The following FRAS1 variants were observed in gnomAD, a reference collection of about 807,000 sequenced individuals.
The protein encoded by FRAS1 is Fraser extracellular matrix complex subunit 1, also known as extracellular matrix organizing protein FRAS1.
FRAS1 carries 290 observed loss-of-function variants against 435.2 expected under a neutral mutation model. The ratio of observed to expected loss-of-function variants is 0.67; its 90% CI spans 0.61 to 0.73. The LOEUF is 0.73. Among genes scored for constraint, FRAS1 ranks in the 30% least tolerant of loss-of-function variants. The pLI, the probability that FRAS1 is intolerant of heterozygous loss-of-function variation, is 0.00. For missense variants in FRAS1, 4,860 were observed against 5,001.5 expected, an observed-to-expected ratio of 0.97 and a Z score of 0.85; for synonymous variants, 1,800 against 1,851.0, an observed-to-expected ratio of 0.97 and a Z score of 0.71.
At chr4:78,369,745 C>T (rs961815073) in intron 22 of FRAS1, 93 bp from the exon 23 acceptor site, 4 of 1,188,760 alleles carry the variant, frequency 3.4e-6, no homozygotes, top group African/African-American at 1.5e-5. Context: ...TGGAACAAGG[C>T]TTTGTTCCTA....
rs1309876318 is a variant in FRAS1 at position 78,400,797 on chromosome 4, C to G, written c.4039C>G (p.Gln1347Glu). The change falls in exon 30 of 74, where the codon CAG becomes GAG. Residue 1347 changes from glutamine (Q) to glutamate (E), a missense_variant. Transcript: ENST00000512123. ...MVWVPEGGML[Q>E]ITNRILQAEA... is the part of the protein sequence containing the mutation. ...GTGGGTTCCAGAAGGGGGGATGCTGCAGATCACCAACAGAATCTTACAGGC... is the reference window on the plus strand; with the variant it reads ...GTGGGTTCCAGAAGGGGGGATGCTGGAGATCACCAACAGAATCTTACAGGC... 2.5e-6 allele frequency: 4 copies of G among 1,613,584 alleles called. No individual in the cohort carries two copies. The South Asian group carries it at 4.4e-5, about 18-fold the overall frequency.
intron 2 of FRAS1, among the ~76,000 whole-genome samples, chr4:78,171,620 A>C (rs1207222523): frequency 6.6e-6 from 1 of 150,740 alleles, no homozygotes; most frequent in Non-Finnish European, 1.5e-5. Context: ...TTCTCTTACC[A>C]CTCTTTCCAT....
chr4:78,103,094 G>T (rs1032129309), intron 2 of FRAS1, among the ~76,000 whole-genome samples: 7 of 152,156 alleles, frequency 4.6e-5, no homozygotes, highest in African/African-American at 1.7e-4. Context: ...TTGGCCTCTG[G>T]AAGTGGTTTC....
At position 78,200,763 on chromosome 4, in the gene FRAS1, G is replaced by A. The variant is rs541350119; in HGVS notation, c.109-36747G>A. Among the ~76,000 whole-genome samples the A allele has an allele frequency of 3.3e-4, 49 of 150,424 alleles. No individual in the cohort carries two copies. In the South Asian group the frequency reaches 7.9e-3, roughly 24 times the overall value. ...TTATAATTATTCAGTATATTTACCTGCATAGTTATATTTTCATCACTCAAA... is the reference window on the plus strand; with the variant it reads ...TTATAATTATTCAGTATATTTACCTACATAGTTATATTTTCATCACTCAAA... On this transcript the variant is annotated intron_variant, in intron 2 of 73. Transcript: ENST00000512123.
At chr4:78,184,261 T>G (rs972651952) in intron 2 of FRAS1, among the ~76,000 whole-genome samples, 1 of 152,202 alleles carries the variant, frequency 6.6e-6, no homozygotes, top group South Asian at 2.1e-4. Context: ...CATACATGAC[T>G]GTAGGGGTTG....
At chr4:78,199,934 A>G (rs1190783727) in intron 2 of FRAS1, among the ~76,000 whole-genome samples, 1 of 152,252 alleles carries the variant, frequency 6.6e-6, no homozygotes, top group Non-Finnish European at 1.5e-5. Context: ...TAGTGGGGAA[A>G]TAGCTCTAAT....
rs1030993750 is a variant in FRAS1, at chr4:78,473,691, T to C, written c.7682+94T>C. On this transcript the variant is annotated intron_variant, in intron 53 of 73. Transcript: ENST00000512123. ...ATGCTGGGGGGCAGCTCTAGTCACC[T>C]CTTGATGGCGGTGATGGTGATGATG... The C allele has an allele frequency of 3.5e-6, 3 of 855,014 alleles. No homozygotes were observed. The African/African-American group carries it at 5.1e-5, about 14-fold the overall frequency. The allele number at this position is 855,014 out of a possible 1,614,324, so 53.0% of individuals were successfully genotyped here. A position where few individuals can be genotyped will look rare whatever the true frequency, so the allele number is the denominator to read the frequency against.
intron 2 of FRAS1, among the ~76,000 whole-genome samples, chr4:78,101,147 A>G (rs1483376289): frequency 6.6e-6 from 1 of 152,072 alleles, no homozygotes; most frequent in Non-Finnish European, 1.5e-5. Flanking sequence ...GCATAAGACT[A>G]ATTTATAAGG....
intron 3 of FRAS1, among the ~76,000 whole-genome samples, chr4:78,244,193 CT>C (rs1172937850): frequency 6.6e-6 from 1 of 152,022 alleles, no homozygotes; most frequent in African/African-American, 2.4e-5. Flanking sequence ...TTAGAATTCT[CT>C]TGTAGGTACA....
intron 54 of FRAS1, among the ~76,000 whole-genome samples, chr4:78,476,724 T>C (rs73831343): frequency 2.2e-3 from 336 of 152,308 alleles, no homozygotes; most frequent in African/African-American, 7.7e-3. Context: ...TAAAGATCTG[T>C]TGAGTGTTTC....
Position 78,282,591 on chromosome 4 carries a change from G to A in FRAS1, c.1108-229G>A, listed in dbSNP as rs151029428. On this transcript the variant is annotated intron_variant, in intron 11 of 73. Transcript: ENST00000512123. ...TCTCTGAGTGTGCCTAAAATCTTTCGGCTGGTTCTCTACATTGAAGTAAAA... is the reference window on the plus strand; with the variant it reads ...TCTCTGAGTGTGCCTAAAATCTTTCAGCTGGTTCTCTACATTGAAGTAAAA... Among the ~76,000 whole-genome samples the A allele has an allele frequency of 3.8e-5, 5 of 130,670 alleles. 1 individual carries two copies. The East Asian group carries it at 9.3e-4, about 24-fold the overall frequency. The allele number at this position is 130,670 out of a possible 152,430, so 85.7% of individuals were successfully genotyped here. A position where few individuals can be genotyped will look rare whatever the true frequency, so the allele number is the denominator to read the frequency against.
intron 35 of FRAS1, among the ~76,000 whole-genome samples, chr4:78,425,276 G>A (rs138624437): frequency 1.2e-3 from 176 of 152,188 alleles, no homozygotes; most frequent in African/African-American, 4.0e-3. Context: ...ACCCAGAGGC[G>A]AGTTGAGAAA....
chr4:78,337,702 T>C lies in FRAS1; in HGVS notation c.2307T>C (p.His769=). 6.2e-7 allele frequency: 1 copy of C among 1,613,898 alleles called. No individual in the cohort carries two copies. Among genetic ancestry groups the C allele is most frequent in the Non-Finnish European group, 8.5e-7 (1 of 1,179,788 alleles). The change falls in exon 20 of 74, where the codon CAT becomes CAC. Residue 769 remains histidine (H), a synonymous_variant. Transcript: ENST00000512123. ...GTCACCCAACCTGCAGGCAGTGTCA[T>C]GGGCCGTTGGAGTCTGACTGCATCT... ...TECHPTCRQC[H]GPLESDCISC... is the part of the protein sequence containing the mutation.
At chr4:78,261,544 T>A (rs1726106099) in intron 6 of FRAS1, among the ~76,000 whole-genome samples, 2 of 152,150 alleles carry the variant, frequency 1.3e-5, no homozygotes, top group Non-Finnish European at 2.9e-5. Flanking sequence ...GTCATGAAGC[T>A]TAGGAAGCAT....
At chr4:78,149,173 C>T (rs748180202) in intron 2 of FRAS1, among the ~76,000 whole-genome samples, 1 of 152,068 alleles carries the variant, frequency 6.6e-6, no homozygotes, top group East Asian at 1.9e-4. Flanking sequence ...TGGGGCTGTA[C>T]CCACAGAGTG....
chr4:78,527,860 G>A (rs961269616), intron 70 of FRAS1, among the ~76,000 whole-genome samples: 7 of 152,100 alleles, frequency 4.6e-5, no homozygotes, highest in Non-Finnish European at 1.0e-4. Flanking sequence ...TAATCCAATC[G>A]AGGGGAAAGT....
intron 15 of FRAS1, among the ~76,000 whole-genome samples, chr4:78,311,402 C>T (rs1173406154): frequency 6.6e-6 from 1 of 152,134 alleles, no homozygotes; most frequent in Non-Finnish European, 1.5e-5. Context: ...TGTTCTCTCT[C>T]CTAGCCCTTC....
Position 78,387,659 on chromosome 4 carries a change from C to G in FRAS1, c.3933C>G (p.His1311Gln), listed in dbSNP as rs1477472175. 2 of 1,594,732 alleles carry G rather than the reference C, an allele frequency of 1.3e-6. No homozygotes were observed. The highest frequency in any genetic ancestry group is 1.3e-5 in the African/African-American group (1 of 74,618). The change falls in exon 29 of 74, where the codon CAC (histidine) becomes CAG (glutamine). Residue 1311 changes from histidine (H) to glutamine (Q), a missense_variant. Coordinates refer to ENST00000512123, the MANE Select transcript of FRAS1 (RefSeq NM_025074.7). ...DVAVLQANDG[H>Q]SFHNILFQVK... ...CAGTCTTGCAGGCCAATGATGGACA[C>G]TCCTTCCATAATATACTGTTCCAAG... is the stretch of plus-strand genomic sequence containing the variant.
In FRAS1 at chr4:78,441,272, TGGCTGCATTGA is replaced by T. The variant is rs1325490089; in HGVS notation, c.5642_5652del (p.Gly1881GlufsTer6). 6.2e-7 allele frequency: 1 copy of T among 1,612,910 alleles called. No individual in the cohort carries two copies. Among genetic ancestry groups the T allele is most frequent in the Non-Finnish European group, 8.5e-7 (1 of 1,179,482 alleles). On this transcript the variant is annotated frameshift_variant, in exon 41 of 74. Coordinates refer to ENST00000512123, the MANE Select transcript of FRAS1 (RefSeq NM_025074.7). LOFTEE classifies it high-confidence loss of function. ...TTAAACTAAGTGCTCTGCCCAAATA[TGGCTGCATTGA>T]GAACACAGGAACAGGTACTACTTCC...
Sources: gnomAD v4.1 joint callset for allele counts (sites outside exome capture counted in the v4.1 genomes callset) on GRCh38, gnomAD v4.1.1 for gene constraint, MANE v1.5 for transcripts, NCBI Gene and HGNC (gene_info 2026-07-23, HGNC 2026-07-21) for gene names.